The following LRP1B variants were observed in gnomAD, a reference collection of about 807,000 sequenced individuals.
The protein encoded by LRP1B is LDL receptor related protein 1B.
LRP1B carries 217 observed loss-of-function variants against 556.6 expected under a neutral mutation model. That is an observed-to-expected ratio of 0.39 (90% confidence interval 0.35 to 0.44). The LOEUF is 0.44. LRP1B is among the 20% of genes least tolerant of loss of function. The probability of loss-of-function intolerance (pLI) is 1.00; values close to 1 mark genes in which losing one functional copy is unlikely to be tolerated. For synonymous variants in LRP1B, 2,047 were observed against 1,865.8 expected, an observed-to-expected ratio of 1.10 and a Z score of -2.50; for missense variants, 5,053 against 5,620.8, an observed-to-expected ratio of 0.90 and a Z score of 3.23.
chr2:140,252,068 A>AAAAAAAAAAAAAAAAAAAAAAAAT (rs1164292843), intron 86 of LRP1B, among the ~76,000 whole-genome samples: 1 of 117,408 alleles, frequency 8.5e-6, no homozygotes, highest in African/African-American at 3.3e-5. Flanking sequence ...GATGCAAAAA[A>AAAAAAAAAAAAAAAAAAAAAAAAT]AAAAAAAAAA....
rs568205902 is a variant in LRP1B at position 140,565,795 on chromosome 2, A to T, written c.7195-23824T>A. Among the ~76,000 whole-genome samples the T allele has an allele frequency of 2.1e-4, 32 of 152,244 alleles. 1 individual carries two copies. The South Asian group carries it at 5.0e-3, about 24-fold the overall frequency. ...AAACTGAAAGAAACACCTGGCCCTC[A>T]CCACTTCATTCCTCTCCTGGGATGA... On this transcript the variant is annotated intron_variant, in intron 43 of 90. Coordinates refer to ENST00000389484, the MANE Select transcript of LRP1B (RefSeq NM_018557.3).
At chr2:141,020,158 G>A (rs1698024738) in intron 11 of LRP1B, 56 bp from the exon 12 acceptor site, 1 of 1,178,008 alleles carries the variant, frequency 8.5e-7, no homozygotes, top group Non-Finnish European at 1.2e-6. Context: ...AGTAAAATTA[G>A]TGTTCACTAC....
chr2:141,103,934 T>C (rs1259461285), intron 7 of LRP1B, among the ~76,000 whole-genome samples: 1 of 151,990 alleles, frequency 6.6e-6, no homozygotes, highest in African/African-American at 2.4e-5. Flanking sequence ...CACAAAGGCG[T>C]CAATTCTATT....
intron 2 of LRP1B, among the ~76,000 whole-genome samples, chr2:141,601,802 C>A (rs527303059): frequency 6.6e-6 from 1 of 152,126 alleles, no homozygotes; most frequent in South Asian, 2.1e-4. Context: ...AGGGTTTCAC[C>A]ATGTTGGCCA....
At chr2:141,793,144 A>T (rs576937371) in intron 2 of LRP1B, among the ~76,000 whole-genome samples, 2 of 152,098 alleles carry the variant, frequency 1.3e-5, no homozygotes, top group South Asian at 4.1e-4. Context: ...TTCATAGTCA[A>T]GTATCTTTTT....
chr2:140,824,833 A>T (rs1046938903), intron 31 of LRP1B, among the ~76,000 whole-genome samples: 2 of 152,150 alleles, frequency 1.3e-5, no homozygotes, highest in African/African-American at 4.8e-5. Context: ...CAACTGAGAC[A>T]TATCAATAAA....
chr2:141,223,245 T>C (rs1476271378), intron 6 of LRP1B, among the ~76,000 whole-genome samples: 1 of 151,912 alleles, frequency 6.6e-6, no homozygotes, highest in Non-Finnish European at 1.5e-5. Flanking sequence ...ACCAACAATA[T>C]GCAAGCAGAG....
At chr2:140,751,684 C>T (rs754691338) in intron 35 of LRP1B, among the ~76,000 whole-genome samples, 1 of 152,128 alleles carries the variant, frequency 6.6e-6, no homozygotes, top group Non-Finnish European at 1.5e-5. Context: ...TATGTCAATA[C>T]CATTTTGATG....
intron 35 of LRP1B, among the ~76,000 whole-genome samples, chr2:140,726,710 C>A (rs1039091668): frequency 2.6e-5 from 4 of 151,992 alleles, no homozygotes; most frequent in African/African-American, 9.7e-5. Context: ...GTTGGTCATA[C>A]CTCCCTCTTT....
intron 35 of LRP1B, among the ~76,000 whole-genome samples, chr2:140,724,478 C>T (rs531721193): frequency 1.3e-5 from 2 of 152,192 alleles, no homozygotes; most frequent in South Asian, 4.1e-4. Context: ...CTATTAAACC[C>T]TATTCCATAT....
At position 140,314,987 on chromosome 2, in the gene LRP1B, G is replaced by C. The variant is rs775235745; in HGVS notation, c.12753C>G (p.Asn4251Lys). The C allele has an allele frequency of 6.2e-7, 1 of 1,611,294 alleles. No homozygotes were observed. Among genetic ancestry groups the C allele is most frequent in the South Asian group, 1.1e-5 (1 of 90,716 alleles). The change falls in exon 83 of 91, where the codon AAC becomes AAG. Residue 4251 changes from asparagine (N) to lysine (K), a missense_variant. Physicochemically the swap from Asn to Lys is moderately conservative, Grantham distance 94. Transcript: ENST00000389484. ...PSYSGERCEV[N>K]HCSNYCQNGG... ...CATTCTGGCAGTAGTTGCTACAGTG[G>C]TTGACTTCACATCTTTCTCCTGAAT...
chr2:141,796,552 T>A (rs1695817736), intron 2 of LRP1B, among the ~76,000 whole-genome samples: 1 of 151,136 alleles, frequency 6.6e-6, no homozygotes, highest in Admixed American at 6.6e-5. Context: ...TCAATTTCAA[T>A]CTGAACATAG....
intron 2 of LRP1B, among the ~76,000 whole-genome samples, chr2:141,532,719 C>T (rs2381191): frequency 0.029 from 4,348 of 152,216 alleles, 117 homozygotes; most frequent in South Asian, 0.091. Context: ...GGTGCAGTGG[C>T]TCACACCTGT....
intron 68 of LRP1B, among the ~76,000 whole-genome samples, chr2:140,374,609 T>C (rs1683138458): frequency 6.6e-6 from 1 of 152,160 alleles, no homozygotes; most frequent in Non-Finnish European, 1.5e-5. Context: ...CTCCATACTA[T>C]TAGTGCCGGG....
At chr2:141,670,635 CTT>C (rs1419451803) in intron 2 of LRP1B, among the ~76,000 whole-genome samples, 1 of 152,116 alleles carries the variant, frequency 6.6e-6, no homozygotes, top group Non-Finnish European at 1.5e-5. Flanking sequence ...GAAGAACAGA[CTT>C]ATCTGGTAAA....
At chr2:140,853,026 G>A (rs1313299997) in intron 27 of LRP1B, among the ~76,000 whole-genome samples, 1 of 151,906 alleles carries the variant, frequency 6.6e-6, no homozygotes, top group Non-Finnish European at 1.5e-5. Flanking sequence ...ATGTCCCCTT[G>A]CTCAAAGTAG....
At chr2:140,802,222 T>C (rs541295318) in intron 32 of LRP1B, among the ~76,000 whole-genome samples, 2 of 152,300 alleles carry the variant, frequency 1.3e-5, no homozygotes, top group South Asian at 2.1e-4. Context: ...AAGGTCATTT[T>C]TGGCTATCAA....
chr2:140,481,132 C>T (rs1253264618), intron 59 of LRP1B, among the ~76,000 whole-genome samples: 1 of 152,170 alleles, frequency 6.6e-6, no homozygotes, highest in African/African-American at 2.4e-5. Context: ...TCCCAAAGTA[C>T]AGGAATTACA....
At chr2:140,758,920 C>T (rs1487621359) in intron 35 of LRP1B, among the ~76,000 whole-genome samples, 2 of 151,958 alleles carry the variant, frequency 1.3e-5, no homozygotes, top group Non-Finnish European at 2.9e-5. Context: ...TCCTCTTATT[C>T]AGTATTTAGA....
Sources: allele counts gnomAD v4.1 joint callset (sites outside exome capture counted in the v4.1 genomes callset), GRCh38; gene constraint gnomAD v4.1.1; transcripts MANE v1.5; gene names NCBI Gene and HGNC (gene_info 2026-07-23, HGNC 2026-07-21).